The following LRMDA variants were observed in gnomAD, a reference collection of about 807,000 sequenced individuals.
LRMDA encodes the protein leucine rich melanocyte differentiation associated.
In LRMDA, 18 loss-of-function variants were observed where a neutral mutation model predicts 29.8. The ratio of observed to expected loss-of-function variants is 0.60; its 90% CI spans 0.42 to 0.90. The LOEUF (loss-of-function observed/expected upper bound fraction) is 0.90, where lower values mean the gene tolerates loss of function less well. Among genes scored for constraint, LRMDA ranks in the 40% least tolerant of loss-of-function variants. LRMDA has a pLI of 0.00. For synonymous variants in LRMDA, 125 were observed against 109.4 expected, an observed-to-expected ratio of 1.14 and a Z score of -0.89; for missense variants, 273 against 273.9, an observed-to-expected ratio of 1.00 and a Z score of 0.02.
chr10:76,406,106 A>G (rs187389632), intron 6 of LRMDA, among the ~76,000 whole-genome samples: 145 of 152,316 alleles, frequency 9.5e-4, no homozygotes, highest in Non-Finnish European at 1.5e-3. Flanking sequence ...TTACATCTGC[A>G]TATGTTCTTT....
At chr10:76,036,224 C>G in intron 3 of LRMDA, 90 bp downstream of exon 3, 1 of 1,297,954 alleles carries the variant, frequency 7.7e-7, no homozygotes, top group Non-Finnish European at 1.0e-6. Context: ...TGCAAAATGT[C>G]AAATGAGTTT....
At chr10:76,456,114 G>T (rs544631864) in intron 6 of LRMDA, among the ~76,000 whole-genome samples, 2 of 152,092 alleles carry the variant, frequency 1.3e-5, no homozygotes, top group Non-Finnish European at 2.9e-5. Flanking sequence ...GAAAATAGTC[G>T]TTCGGTCTCC....
chr10:76,100,927 G>C (rs187832558), intron 5 of LRMDA, among the ~76,000 whole-genome samples: 51 of 152,172 alleles, frequency 3.4e-4, no homozygotes, highest in African/African-American at 1.2e-3. Flanking sequence ...CAGTTCCAGG[G>C]ATTCTATTTT....
At chr10:75,863,191 G>T (rs538290273) in intron 2 of LRMDA, among the ~76,000 whole-genome samples, 3 of 152,138 alleles carry the variant, frequency 2.0e-5, no homozygotes, top group African/African-American at 7.2e-5. Context: ...ATGGCTGGTT[G>T]TGCATCGCTT....
At chr10:76,205,144 G>A (rs542705136) in intron 5 of LRMDA, among the ~76,000 whole-genome samples, 1 of 152,236 alleles carries the variant, frequency 6.6e-6, no homozygotes, top group South Asian at 2.1e-4. Context: ...GAGAGGAAAA[G>A]CCACTTCTTC....
At chr10:75,748,479 G>C (rs967387912) in intron 2 of LRMDA, among the ~76,000 whole-genome samples, 10 of 152,002 alleles carry the variant, frequency 6.6e-5, no homozygotes, top group Non-Finnish European at 1.5e-4. Context: ...CTCATTATAT[G>C]TTCTTTTGCC....
intron 2 of LRMDA, among the ~76,000 whole-genome samples, chr10:75,579,460 C>A (rs4431970): frequency 0.61 from 91,963 of 151,988 alleles, 31,156 homozygotes; most frequent in East Asian, 0.85. Context: ...GTCCAGGACC[C>A]GATGGATTCA....
chr10:75,723,405 C>G (rs1261756083), intron 2 of LRMDA, among the ~76,000 whole-genome samples: 2 of 152,212 alleles, frequency 1.3e-5, no homozygotes, highest in Non-Finnish European at 2.9e-5. Context: ...ATACCGTTAG[C>G]TTTTAGATCA....
intron 2 of LRMDA, among the ~76,000 whole-genome samples, chr10:75,705,777 T>C (rs1842358801): frequency 6.6e-6 from 1 of 152,234 alleles, no homozygotes. Flanking sequence ...AGTGCTGTCT[T>C]GAAAGCCAAG....
At chr10:76,044,561 T>A (rs1848397808) in intron 3 of LRMDA, among the ~76,000 whole-genome samples, 1 of 152,068 alleles carries the variant, frequency 6.6e-6, no homozygotes, top group Admixed American at 6.6e-5. Context: ...TGGCTCTATT[T>A]AAATAATTTT....
At chr10:76,233,776 A>G (rs1441867987) in intron 5 of LRMDA, among the ~76,000 whole-genome samples, 1 of 152,216 alleles carries the variant, frequency 6.6e-6, no homozygotes, top group Non-Finnish European at 1.5e-5. Context: ...CATCTTTAAA[A>G]GCTTTATCAT....
chr10:76,212,270 A>ACAT (rs1564687628), intron 5 of LRMDA, among the ~76,000 whole-genome samples: 180 of 123,262 alleles, frequency 1.5e-3, no homozygotes, highest in African/African-American at 5.3e-3. Context: ...CACACACATA[A>ACAT]AAAAAAAAAA....
intron 2 of LRMDA, among the ~76,000 whole-genome samples, chr10:75,461,945 T>G (rs1844590696): frequency 6.6e-6 from 1 of 152,270 alleles, no homozygotes; most frequent in South Asian, 2.1e-4. Context: ...CAGCTTTTCC[T>G]TTGCAGATCC....
At chr10:76,556,338 G>GT (rs772144582) in intron 6 of LRMDA, 29 of 150,718 alleles carry the variant, frequency 1.9e-4, no homozygotes, top group South Asian at 4.2e-4. Flanking sequence ...TCCATGTGGT[G>GT]TTTTTTTTTG....
chr10:76,142,975 A>G (rs1199550709), intron 5 of LRMDA, among the ~76,000 whole-genome samples: 2 of 151,962 alleles, frequency 1.3e-5, no homozygotes, highest in African/African-American at 4.8e-5. Flanking sequence ...GTTTACTGAG[A>G]ATGATGGTTT....
chr10:76,079,119 G>A (rs1046231097), intron 5 of LRMDA, among the ~76,000 whole-genome samples: 2 of 152,328 alleles, frequency 1.3e-5, no homozygotes, highest in Admixed American at 1.3e-4. Context: ...CTCTTCTACA[G>A]TTGCTTGGGT....
rs560056133 is a variant in LRMDA, at chr10:75,999,579, C to A, written c.132-36429C>A. ...TGTGCCTCTAGTTCCTCTGTAAGTC[C>A]CCAATCTAGGAGTTTCTTCTGTAGC... On this transcript the variant is annotated intron_variant, in intron 2 of 6. Coordinates refer to ENST00000611255, the MANE Select transcript of LRMDA (RefSeq NM_001305581.2). Among the ~76,000 whole-genome samples, 13 of 152,260 alleles carry A rather than the reference C, an allele frequency of 8.5e-5. No individual in the cohort carries two copies. The South Asian group carries it at 2.7e-3, about 32-fold the overall frequency.
intron 6 of LRMDA, among the ~76,000 whole-genome samples, chr10:76,473,012 A>G (rs1210037496): frequency 2.6e-5 from 4 of 151,644 alleles, no homozygotes; most frequent in Non-Finnish European, 5.9e-5. Flanking sequence ...AATACTTCCC[A>G]ATTTATTCTC....
At chr10:76,042,552 G>T (rs1348763130) in intron 3 of LRMDA, among the ~76,000 whole-genome samples, 1 of 152,130 alleles carries the variant, frequency 6.6e-6, no homozygotes, top group African/African-American at 2.4e-5. Flanking sequence ...GCAAAATTAG[G>T]TATGAAATGA....
Sources: allele counts gnomAD v4.1 joint callset (sites outside exome capture counted in the v4.1 genomes callset), GRCh38; gene constraint gnomAD v4.1.1; transcripts MANE v1.5; gene names NCBI Gene and HGNC (gene_info 2026-07-23, HGNC 2026-07-21).